SLC24A2: variants seen among roughly 807,000 people sequenced by gnomAD.
SLC24A2 encodes the protein sodium/potassium/calcium exchanger 2.
A neutral mutation model predicts 62.0 loss-of-function variants in SLC24A2; 36 were observed. The ratio of observed to expected loss-of-function variants is 0.58; its 90% confidence interval spans 0.44 to 0.77. SLC24A2 has a LOEUF of 0.77. Ranked by LOEUF, SLC24A2 falls within the 30% of genes least tolerant of loss-of-function variation. The pLI is 0.00. For synonymous variants in SLC24A2, 358 were observed against 294.0 expected (o/e 1.22, Z -2.23); for missense variants, 846 against 817.9 (o/e 1.03, Z -0.42).
At chr9:19,892,214 T>C in the SLC24A2 span, among the ~76,000 whole-genome samples, 1 of 152,240 alleles carries the variant, frequency 6.6e-6, no homozygotes, top group Non-Finnish European at 1.5e-5. Flanking sequence ...CACATTCTAC[T>C]AAACAACCTG....
At chr9:19,914,919 T>C in the SLC24A2 span, among the ~76,000 whole-genome samples, 1 of 152,154 alleles carries the variant, frequency 6.6e-6, no homozygotes, top group South Asian at 2.1e-4. Flanking sequence ...TTGTATTTTA[T>C]TTTAAAACAT....
At chr9:20,053,721 C>A in the SLC24A2 span, among the ~76,000 whole-genome samples, 1 of 152,106 alleles carries the variant, frequency 6.6e-6, no homozygotes, top group Non-Finnish European at 1.5e-5. Context: ...GTTTATGAAC[C>A]AGGAAGCAGG....
the SLC24A2 span, among the ~76,000 whole-genome samples, chr9:20,208,707 C>A: frequency 6.6e-6 from 1 of 152,138 alleles, no homozygotes; most frequent in Non-Finnish European, 1.5e-5. Flanking sequence ...GTTTCCAGAA[C>A]GAGTAGATAG....
At chr9:19,528,202 C>A (rs898813204) in intron 8 of SLC24A2, 64 bp from the exon 9 acceptor site, 1 of 1,122,602 alleles carries the variant, frequency 8.9e-7, no homozygotes, top group Non-Finnish European at 1.3e-6. Flanking sequence ...TCTGGAAATC[C>A]AAAGCTAAAG....
chr9:19,695,155 T>C (rs956533814), intron 2 of SLC24A2, among the ~76,000 whole-genome samples: 1 of 152,014 alleles, frequency 6.6e-6, no homozygotes, highest in African/African-American at 2.4e-5. Context: ...TGGCATCTAG[T>C]GGGTAGAGGC....
At chr9:20,019,248 G>GGAAAGAGAAA in the SLC24A2 span, among the ~76,000 whole-genome samples, 1 of 40,900 alleles carries the variant, frequency 2.4e-5, no homozygotes, top group African/African-American at 9.0e-5. Flanking sequence ...AAAGAAAGAA[G>GGAAAGAGAAA]GAAAGAGAAA....
At chr9:19,766,807 A>C (rs1338669314) in intron 2 of SLC24A2, among the ~76,000 whole-genome samples, 1 of 152,220 alleles carries the variant, frequency 6.6e-6, no homozygotes, top group Non-Finnish European at 1.5e-5. Context: ...GTCCCTTAGC[A>C]GAGCTCGAGT....
chr9:19,742,754 C>A (rs1821717115), intron 2 of SLC24A2, among the ~76,000 whole-genome samples: 1 of 152,134 alleles, frequency 6.6e-6, no homozygotes, highest in South Asian at 2.1e-4. Flanking sequence ...TGAAAGAAAT[C>A]AATGAACTAT....
the SLC24A2 span, among the ~76,000 whole-genome samples, chr9:20,296,077 T>G: frequency 1.3e-5 from 2 of 152,148 alleles, no homozygotes; most frequent in African/African-American, 4.8e-5. Flanking sequence ...TACTTAATGG[T>G]GAAAGATAAA....
chr9:20,277,782 C>T, the SLC24A2 span, among the ~76,000 whole-genome samples: 1 of 152,170 alleles, frequency 6.6e-6, no homozygotes, highest in African/African-American at 2.4e-5. Context: ...AAGACACATG[C>T]ACACATATGT....
intron 2 of SLC24A2, among the ~76,000 whole-genome samples, chr9:19,762,484 T>C (rs531336674): frequency 1.1e-3 from 161 of 152,350 alleles, no homozygotes; most frequent in South Asian, 2.5e-3. Flanking sequence ...TTAATTTTTG[T>C]ATAAAGTGTA....
At chr9:20,173,218 A>G in the SLC24A2 span, among the ~76,000 whole-genome samples, 1 of 152,078 alleles carries the variant, frequency 6.6e-6, no homozygotes, top group South Asian at 2.1e-4. Flanking sequence ...ACCCACAACC[A>G]ACATAATACT....
At chr9:20,051,769 G>C in the SLC24A2 span, among the ~76,000 whole-genome samples, 1 of 148,186 alleles carries the variant, frequency 6.7e-6, no homozygotes, top group African/African-American at 2.5e-5. Flanking sequence ...GTGCTCCTTG[G>C]TGAGCTGTTA....
At chr9:19,870,173 T>A in the SLC24A2 span, among the ~76,000 whole-genome samples, 1 of 152,156 alleles carries the variant, frequency 6.6e-6, no homozygotes, top group Non-Finnish European at 1.5e-5. Context: ...CCATTAGTAG[T>A]TATTCCTCAT....
At chr9:19,961,140 GGAGAGA>G in the SLC24A2 span, among the ~76,000 whole-genome samples, 61 of 138,572 alleles carry the variant, frequency 4.4e-4, no homozygotes, top group Admixed American at 1.3e-3. Flanking sequence ...AGAAGAAAGG[GGAGAGA>G]GAGAGAGAGA....
At chr9:19,685,243 G>T (rs1819846159) in intron 2 of SLC24A2, among the ~76,000 whole-genome samples, 2 of 152,030 alleles carry the variant, frequency 1.3e-5, no homozygotes, top group South Asian at 4.1e-4. Flanking sequence ...ACAAAACATT[G>T]CTCAAAGAAA....
the SLC24A2 span, among the ~76,000 whole-genome samples, chr9:20,169,346 A>T: frequency 1.3e-5 from 2 of 152,014 alleles, no homozygotes; most frequent in Admixed American, 1.3e-4. Flanking sequence ...GCCTCGTGTC[A>T]TGAACTTTTG....
At chr9:19,890,875 A>G in the SLC24A2 span, among the ~76,000 whole-genome samples, 1 of 152,258 alleles carries the variant, frequency 6.6e-6, no homozygotes, top group African/African-American at 2.4e-5. Flanking sequence ...CTCATTAGCT[A>G]CAGAATCATC....
chr9:19,706,632 C>T (rs1166388677), intron 2 of SLC24A2, among the ~76,000 whole-genome samples: 1 of 152,154 alleles, frequency 6.6e-6, no homozygotes, highest in Non-Finnish European at 1.5e-5. Context: ...CTCGTCTCGG[C>T]CTCCCAAAGT....
Sources: gnomAD v4.1 joint callset for allele counts (sites outside exome capture counted in the v4.1 genomes callset) on GRCh38, gnomAD v4.1.1 for gene constraint, MANE v1.5 for transcripts, NCBI Gene and HGNC (gene_info 2026-07-23, HGNC 2026-07-21) for gene names.